The following TPTE2 variants were observed in gnomAD, a reference collection of about 807,000 sequenced individuals.
The protein encoded by TPTE2 is phosphatidylinositol 3,4,5-trisphosphate 3-phosphatase TPTE2.
A neutral mutation model predicts 78.6 loss-of-function variants in TPTE2; 53 were observed. That is an observed-to-expected ratio of 0.67 (90% CI 0.54 to 0.85). TPTE2 has a LOEUF of 0.85. TPTE2 is among the 40% of genes least tolerant of loss of function. The pLI, the probability that TPTE2 is intolerant of heterozygous loss-of-function variation, is 0.00. For synonymous variants in TPTE2, 175 were observed against 206.2 expected, an observed-to-expected ratio of 0.85 and a Z score of 1.30; for missense variants, 461 against 623.0, an observed-to-expected ratio of 0.74 and a Z score of 2.77.
chr13:19,548,835 T>C, the TPTE2 span, among the ~76,000 whole-genome samples: 29 of 150,634 alleles, frequency 1.9e-4, 1 homozygote, highest in East Asian at 5.2e-3. Flanking sequence ...AAAGCAACTG[T>C]AGGCCAGGTG....
At chr13:19,536,881 T>G (rs934440088), upstream of TPTE2, 2 of 151,256 alleles carry the variant, frequency 1.3e-5, no homozygotes, top group Non-Finnish European at 2.9e-5. Context: ...ATACAATACA[T>G]ATACACAATT....
chr13:19,479,604 TCA>T (rs1039379428), intron 4 of TPTE2, among the ~76,000 whole-genome samples: 19 of 152,110 alleles, frequency 1.2e-4, no homozygotes, highest in African/African-American at 4.1e-4. Flanking sequence ...AGAAATACTC[TCA>T]GATAACTTTG....
chr13:19,426,587 T>C (rs901221792), intron 17 of TPTE2, 70 bp from the exon 21 acceptor site: 11 of 868,368 alleles, frequency 1.3e-5, no homozygotes, highest in Non-Finnish European at 2.1e-5. Context: ...TTTTCACTTA[T>C]CATGACTTCC....
At chr13:19,508,133 C>T (rs888168485), upstream of TPTE2, among the ~76,000 whole-genome samples, 1 of 152,094 alleles carries the variant, frequency 6.6e-6, no homozygotes, top group Non-Finnish European at 1.5e-5. Flanking sequence ...CTATATAATT[C>T]CTGCCCAAAC....
At chr13:19,555,792 ACAACAAAT>A in the TPTE2 span, among the ~76,000 whole-genome samples, 13 of 145,952 alleles carry the variant, frequency 8.9e-5, no homozygotes, top group Admixed American at 2.9e-4. Flanking sequence ...TGCCCTGACA[ACAACAAAT>A]TTCTTTTTTT....
At chr13:19,496,662 C>T (rs1289080452) in intron 1 of TPTE2, among the ~76,000 whole-genome samples, 2 of 152,234 alleles carry the variant, frequency 1.3e-5, no homozygotes, top group Non-Finnish European at 2.9e-5. Context: ...CTGCCCAGGG[C>T]TTCCCTGCTC....
intron 1 of TPTE2, 56 bp downstream of exon 4, chr13:19,503,168 T>C (rs1364184228): frequency 1.4e-5 from 23 of 1,611,014 alleles, no homozygotes; most frequent in Non-Finnish European, 1.9e-5. Flanking sequence ...TGTGTGTGAA[T>C]ACTTCTATGC....
In TPTE2 at chr13:19,423,169, G is replaced by T. The variant is rs201368212; in HGVS notation, c.1467-5C>A. ...TCATTTCTTGGTAGACAAAGCCTAAGAATAGAAAAAAAAAATTACATTTTA... is the reference window on the plus strand; with the variant it reads ...TCATTTCTTGGTAGACAAAGCCTAATAATAGAAAAAAAAAATTACATTTTA... On this transcript the variant is annotated splice_polypyrimidine_tract_variant and splice_region_variant and intron_variant, in intron 19 of 19. Coordinates refer to ENST00000400230, the Ensembl canonical transcript of TPTE2. 3 of 1,578,718 alleles carry T rather than the reference G, an allele frequency of 1.9e-6. No homozygotes were observed. In the Admixed American group the frequency reaches 5.5e-5, roughly 29 times the overall value.
chr13:19,497,959 G>C (rs1881494193), intron 1 of TPTE2, among the ~76,000 whole-genome samples: 2 of 151,812 alleles, frequency 1.3e-5, no homozygotes, highest in African/African-American at 2.4e-5. Context: ...GCTTAAAGGA[G>C]CTGACGGAGC....
the TPTE2 span, among the ~76,000 whole-genome samples, chr13:19,542,643 G>A: frequency 1.3e-5 from 2 of 151,824 alleles, no homozygotes; most frequent in South Asian, 2.1e-4. Flanking sequence ...CTTTTTGGGG[G>A]GTAATGGGGG....
chr13:19,428,277 C>T (rs1215293060), intron 17 of TPTE2, among the ~76,000 whole-genome samples: 2 of 151,854 alleles, frequency 1.3e-5, no homozygotes, highest in Admixed American at 6.6e-5. Flanking sequence ...GGAGAAACCC[C>T]GTCTCTACTA....
upstream of TPTE2, among the ~76,000 whole-genome samples, chr13:19,537,860 C>A (rs1871298742): frequency 6.6e-6 from 1 of 152,174 alleles, no homozygotes; most frequent in Non-Finnish European, 1.5e-5. Flanking sequence ...CTATCTCAGC[C>A]TCCCAAAGTG....
chr13:19,460,939 T>C (rs2137554020), intron 10 of TPTE2, among the ~76,000 whole-genome samples: 1 of 152,342 alleles, frequency 6.6e-6, no homozygotes. Flanking sequence ...CATTTTGGGT[T>C]ATAGCATCCC....
chr13:19,473,975 T>G lies in TPTE2; in HGVS notation c.331A>C (p.Ile111Leu), dbSNP rs773288015. The G allele has an allele frequency of 2.1e-5, 33 of 1,608,066 alleles. No individual in the cohort carries two copies. Among genetic ancestry groups the G allele is most frequent in the Non-Finnish European group, 2.8e-5 (33 of 1,178,328 alleles). Residue 111 changes from isoleucine (I) to leucine (L), a missense_variant, in exon 6 of 20, where the codon ATT (isoleucine) becomes CTT (leucine). Ile to Leu is a conservative substitution (Grantham distance 5, BLOSUM62 2). Transcript: ENST00000400230. ...AAAAATAAGCCAATAGCTAGAGAAA[T>G]AGAACGATACTCCAAAGGAATATAA...
At chr13:19,449,276 C>T (rs541906030) in intron 13 of TPTE2, among the ~76,000 whole-genome samples, 4 of 152,116 alleles carry the variant, frequency 2.6e-5, no homozygotes, top group South Asian at 2.1e-4. Context: ...CAGGTTCAAG[C>T]GATTCTTCTG....
the TPTE2 span, chr13:19,560,668 G>T: frequency 6.5e-7 from 1 of 1,540,836 alleles, no homozygotes; most frequent in Non-Finnish European, 8.9e-7. Flanking sequence ...GAGCTTCTCA[G>T]GCTCAACCAC....
intron 1 of TPTE2, among the ~76,000 whole-genome samples, chr13:19,497,694 T>TG (rs1199197652): frequency 6.7e-6 from 1 of 149,004 alleles, no homozygotes; most frequent in East Asian, 2.0e-4. Flanking sequence ...ACCACAAAGA[T>TG]GGGGAAAAAA....
upstream of TPTE2, among the ~76,000 whole-genome samples, chr13:19,507,232 C>G (rs1869124270): frequency 6.8e-6 from 1 of 147,434 alleles, no homozygotes; most frequent in Non-Finnish European, 1.5e-5. Flanking sequence ...AATCAAATAC[C>G]ATGTGAATTT....
chr13:19,504,837 CTT>C (rs1868889876), upstream of TPTE2, among the ~76,000 whole-genome samples: 4 of 152,030 alleles, frequency 2.6e-5, no homozygotes, highest in Non-Finnish European at 4.4e-5. Context: ...TTCTCTCTCT[CTT>C]TTCTCTTTCT....
Sources: allele counts gnomAD v4.1 joint callset (sites outside exome capture counted in the v4.1 genomes callset), GRCh38; gene constraint gnomAD v4.1.1; transcripts MANE v1.5; gene names NCBI Gene and HGNC (gene_info 2026-07-23, HGNC 2026-07-21).